LRRC36: variants seen among roughly 807,000 people sequenced by gnomAD.
LRRC36 encodes the protein leucine-rich repeat-containing protein 36.
In LRRC36, 62 loss-of-function variants were observed where a neutral mutation model predicts 81.1. The ratio of observed to expected loss-of-function variants is 0.76; its 90% CI spans 0.62 to 0.94. The LOEUF is 0.94. LRRC36 is among the 40% of genes least tolerant of loss of function. The pLI, the probability that LRRC36 is intolerant of heterozygous loss-of-function variation, is 0.00. For missense variants in LRRC36, 761 were observed against 881.7 expected (o/e 0.86, Z 1.73); for synonymous variants, 334 against 348.6 (o/e 0.96, Z 0.47).
intron 4 of LRRC36, among the ~76,000 whole-genome samples, chr16:67,349,594 C>T (rs1191328095): frequency 6.6e-6 from 1 of 152,050 alleles, no homozygotes; most frequent in African/African-American, 2.4e-5. Context: ...ACTGTCCTAC[C>T]CCCTCAATCA....
At chr16:67,384,298 G>A (rs1248054283) in intron 13 of LRRC36, among the ~76,000 whole-genome samples, 1 of 152,126 alleles carries the variant, frequency 6.6e-6, no homozygotes, top group Admixed American at 6.6e-5. Flanking sequence ...GCTGAGTGTG[G>A]TGGTGCACAC....
At chr16:67,375,150 A>AT in intron 9 of LRRC36, 97 bp from the exon 10 acceptor site, 1 of 1,329,876 alleles carries the variant, frequency 7.5e-7, no homozygotes, top group Non-Finnish European at 1.0e-6. Context: ...AAAAAAAAAA[A>AT]GTCTCAATGT....
chr16:67,350,170 TTGAG>T, intron 4 of LRRC36, 28 bp from the exon 5 acceptor site: 1 of 1,463,470 alleles, frequency 6.8e-7, no homozygotes. Context: ...TTTTTTTTTT[TTGAG>T]TTGTAAATAA....
At chr16:67,381,229 A>AG (rs1491533130) in intron 12 of LRRC36, among the ~76,000 whole-genome samples, 1 of 128,738 alleles carries the variant, frequency 7.8e-6, no homozygotes, top group Non-Finnish European at 1.5e-5. Flanking sequence ...ACTCTGCCTC[A>AG]GAAAAAAAAA....
intron 4 of LRRC36, among the ~76,000 whole-genome samples, chr16:67,349,307 G>GTT (rs879443968): frequency 1.4e-5 from 2 of 144,326 alleles, no homozygotes. Flanking sequence ...CTTGGGTGAA[G>GTT]TTTTTTTTTT....
Position 67,371,151 on chromosome 16 carries a change from T to C in LRRC36, c.1403T>C (p.Leu468Pro). 2 of 1,614,200 alleles carry C rather than the reference T, an allele frequency of 1.2e-6. No individual in the cohort carries two copies. Among genetic ancestry groups the C allele is most frequent in the Non-Finnish European group, 1.7e-6 (2 of 1,180,010 alleles). Residue 468 changes from leucine to proline, a missense_variant, in exon 9 of 14, where the codon CTA (leucine) becomes CCA (proline). By Grantham distance (98) the Leu-to-Pro change is moderately conservative. Transcript: ENST00000329956. The part of the protein sequence containing the change: ...EHRKIFTKRS[L>P]SPSKRGFKWK... The stretch of plus-strand genomic sequence containing the variant: ...AGAAAGATTTTTACCAAGAGGTCAC[T>C]AAGCCCATCGAAGAGAGGATTCAAA...
intron 5 of LRRC36, chr16:67,362,398 T>A (rs2039194732): frequency 3.7e-6 from 1 of 271,434 alleles, no homozygotes; most frequent in Non-Finnish European, 7.4e-6. Flanking sequence ...CCTGACCTCA[T>A]CATCCGCCCG....
At position 67,363,566 on chromosome 16, in the gene LRRC36, T is replaced by C. The variant is rs968311002; in HGVS notation, c.578-24T>C. 4 of 1,612,366 alleles carry C rather than the reference T, an allele frequency of 2.5e-6. No individual in the cohort carries two copies. In the African/African-American group the frequency reaches 5.3e-5, roughly 22 times the overall value. ...GAAGTCTGGTCAGTGAGTGCTTTAT[T>C]GTTTGCTTTTTCTTTTAACACAGAC... On this transcript the variant is annotated intron_variant, in intron 5 of 13. Transcript: ENST00000329956.
chr16:67,346,223 A>G (rs769764379), intron 2 of LRRC36, 33 bp from the exon 3 acceptor site: 4 of 1,353,760 alleles, frequency 3.0e-6, no homozygotes, highest in East Asian at 4.7e-5. Flanking sequence ...CTTTACCAAT[A>G]TGCCATTTCA....
intron 5 of LRRC36, among the ~76,000 whole-genome samples, chr16:67,353,173 AAAAC>A (rs974168558): frequency 5.9e-5 from 9 of 151,978 alleles, no homozygotes; most frequent in Admixed American, 2.0e-4. Flanking sequence ...AATAACCCCC[AAAAC>A]AAACAAACAA....
At chr16:67,352,581 T>C (rs189546956) in intron 5 of LRRC36, among the ~76,000 whole-genome samples, 3 of 152,246 alleles carry the variant, frequency 2.0e-5, no homozygotes, top group Admixed American at 6.5e-5. Flanking sequence ...TCTCCTGTTT[T>C]TTCTCTTTGC....
chr16:67,345,643 C>CT (rs2038309267), intron 2 of LRRC36, among the ~76,000 whole-genome samples: 2 of 152,032 alleles, frequency 1.3e-5, no homozygotes, highest in South Asian at 4.1e-4. Context: ...GGAAAACAGT[C>CT]TAGGAGGCCT....
chr16:67,375,149 A>G, intron 9 of LRRC36, 98 bp from the exon 10 acceptor site: 1 of 1,375,986 alleles, frequency 7.3e-7, no homozygotes, highest in Non-Finnish European at 1.0e-6. Context: ...AAAAAAAAAA[A>G]AGTCTCAATG....
chr16:67,367,800 C>T (rs1393490548), intron 8 of LRRC36, among the ~76,000 whole-genome samples: 4 of 152,174 alleles, frequency 2.6e-5, no homozygotes, highest in African/African-American at 9.7e-5. Flanking sequence ...TGCCTGTAAT[C>T]CCAGCACTTT....
chr16:67,352,580 T>G (rs1028877764), intron 5 of LRRC36, among the ~76,000 whole-genome samples: 5 of 152,104 alleles, frequency 3.3e-5, no homozygotes, highest in Admixed American at 1.3e-4. Flanking sequence ...CTCTCCTGTT[T>G]TTTCTCTTTG....
At chr16:67,381,082 G>T (rs1389886929) in intron 12 of LRRC36, among the ~76,000 whole-genome samples, 1 of 151,946 alleles carries the variant, frequency 6.6e-6, no homozygotes, top group Non-Finnish European at 1.5e-5. Flanking sequence ...AAATTAGCAG[G>T]GCGTGGTGGC....
Position 67,345,873 on chromosome 16 carries a change from A to G in LRRC36, c.199-383A>G, listed in dbSNP as rs866284396. 4.6e-5 allele frequency among the ~76,000 whole-genome samples: 7 copies of G among 151,794 alleles called. No homozygotes were observed. In the South Asian group the frequency reaches 1.5e-3, roughly 32 times the overall value. On this transcript the variant is annotated intron_variant, in intron 2 of 13. Coordinates refer to ENST00000329956, the MANE Select transcript of LRRC36 (RefSeq NM_018296.6). ...TGTAAATTAAGGTGCTTTTGGGATCAGGAGAGGGGTTGGGACAAAAGTGAG... is the reference window on the plus strand; with the variant it reads ...TGTAAATTAAGGTGCTTTTGGGATCGGGAGAGGGGTTGGGACAAAAGTGAG...
At chr16:67,379,265 A>G (rs2040025198) in intron 12 of LRRC36, among the ~76,000 whole-genome samples, 1 of 152,172 alleles carries the variant, frequency 6.6e-6, no homozygotes, top group Non-Finnish European at 1.5e-5. Context: ...TTTACAAAAA[A>G]TAAGAAATTA....
chr16:67,342,087 A>G lies in LRRC36; in HGVS notation c.198+3A>G. The G allele has an allele frequency of 1.3e-6, 2 of 1,597,690 alleles. No individual in the cohort carries two copies. Among genetic ancestry groups the G allele is most frequent in the South Asian group, 2.2e-5 (2 of 89,042 alleles). On this transcript the variant is annotated splice_donor_region_variant and intron_variant, in intron 2 of 13. Transcript: ENST00000329956. ...GGAATTTGATCACTAGCCTTAAGGT[A>G]AGTTATATATTCTATGACCAGCCAG...
Sources: allele counts gnomAD v4.1 joint callset (sites outside exome capture counted in the v4.1 genomes callset), GRCh38; gene constraint gnomAD v4.1.1; transcripts MANE v1.5; gene names NCBI Gene and HGNC (gene_info 2026-07-23, HGNC 2026-07-21).